The following PRICKLE1 variants were observed in gnomAD, a reference collection of about 807,000 sequenced individuals.
PRICKLE1 encodes prickle-like protein 1.
A neutral mutation model predicts 70.2 loss-of-function variants in PRICKLE1; 14 were observed. That is an observed-to-expected ratio of 0.20 (90% CI 0.13 to 0.31). The LOEUF is 0.31. Among genes scored for constraint, PRICKLE1 ranks in the 10% least tolerant of loss-of-function variants. The pLI is 1.00. For synonymous variants in PRICKLE1, 357 were observed against 379.9 expected (o/e 0.94, Z 0.70); for missense variants, 821 against 1,026.2 (o/e 0.80, Z 2.73).
intron 1 of PRICKLE1, among the ~76,000 whole-genome samples, chr12:42,533,976 T>C (rs1939972078): frequency 1.3e-5 from 2 of 152,192 alleles, no homozygotes; most frequent in Admixed American, 6.5e-5. Context: ...TTCCTCATTG[T>C]ATCCTCAAAA....
chr12:42,472,237 A>G, intron 2 of PRICKLE1, 148 bp downstream of exon 2: 1 of 918,834 alleles, frequency 1.1e-6, no homozygotes, highest in East Asian at 2.7e-5. Context: ...CAAAAGTAAA[A>G]CTTCAAAGCC....
At chr12:42,493,476 T>C (rs1939140213) in intron 1 of PRICKLE1, among the ~76,000 whole-genome samples, 1 of 152,216 alleles carries the variant, frequency 6.6e-6, no homozygotes, top group Non-Finnish European at 1.5e-5. Context: ...TTCAAACGAA[T>C]TGACTAACTT....
chr12:42,503,160 T>A (rs1939345078), intron 1 of PRICKLE1, among the ~76,000 whole-genome samples: 1 of 152,222 alleles, frequency 6.6e-6, no homozygotes, highest in East Asian at 1.9e-4. Context: ...AAATTAACTT[T>A]TAAGCATTTC....
intron 1 of PRICKLE1, among the ~76,000 whole-genome samples, chr12:42,578,107 C>A (rs1420147533): frequency 6.6e-6 from 1 of 152,110 alleles, no homozygotes; most frequent in Non-Finnish European, 1.5e-5. Context: ...AATAAAGAAC[C>A]CCCAAGTTGA....
At chr12:42,576,542 G>A (rs1302001920) in intron 1 of PRICKLE1, among the ~76,000 whole-genome samples, 1 of 152,228 alleles carries the variant, frequency 6.6e-6, no homozygotes, top group Non-Finnish European at 1.5e-5. Context: ...ATTACCATCT[G>A]ATAGCGTTTG....
intron 1 of PRICKLE1, among the ~76,000 whole-genome samples, chr12:42,564,859 C>T (rs12368308): frequency 2.6e-5 from 4 of 151,998 alleles, no homozygotes; most frequent in African/African-American, 7.3e-5. Flanking sequence ...TCAACACCAC[C>T]GGTAATAAAG....
chr12:42,549,119 C>CAAAAAA (rs34355848), intron 1 of PRICKLE1, among the ~76,000 whole-genome samples: 1 of 53,970 alleles, frequency 1.9e-5, no homozygotes, highest in Non-Finnish European at 3.1e-5. Flanking sequence ...ACCCTGTCTC[C>CAAAAAA]AAAAAAAAAA....
intron 2 of PRICKLE1, among the ~76,000 whole-genome samples, chr12:42,471,617 TC>T (rs1938325999): frequency 6.6e-6 from 1 of 152,150 alleles, no homozygotes; most frequent in Admixed American, 6.5e-5. Flanking sequence ...GATACCCTAT[TC>T]TCATAAAACG....
intron 1 of PRICKLE1, among the ~76,000 whole-genome samples, chr12:42,514,937 C>CTATG (rs1555235199): frequency 1.7e-4 from 23 of 139,096 alleles, no homozygotes; most frequent in Admixed American, 4.4e-4. Flanking sequence ...ATCTATCTAT[C>CTATG]TATATTTTTT....
chr12:42,558,087 C>G (rs551547110), intron 1 of PRICKLE1, among the ~76,000 whole-genome samples: 29 of 152,234 alleles, frequency 1.9e-4, no homozygotes, highest in African/African-American at 6.5e-4. Flanking sequence ...AAAGGCATGT[C>G]TACACAAAAG....
At chr12:42,470,571 A>G (rs1278730412) in intron 2 of PRICKLE1, among the ~76,000 whole-genome samples, 1 of 152,190 alleles carries the variant, frequency 6.6e-6, no homozygotes, top group Non-Finnish European at 1.5e-5. Context: ...TGTAGTGACA[A>G]TTAGGGACAT....
At chr12:42,571,639 G>A (rs955231412) in intron 1 of PRICKLE1, among the ~76,000 whole-genome samples, 1 of 152,244 alleles carries the variant, frequency 6.6e-6, no homozygotes, top group African/African-American at 2.4e-5. Context: ...TTTTTATGAT[G>A]CAGGAGTATG....
chr12:42,498,716 C>T (rs1939253587), intron 1 of PRICKLE1, among the ~76,000 whole-genome samples: 1 of 152,202 alleles, frequency 6.6e-6, no homozygotes, highest in Admixed American at 6.5e-5. Flanking sequence ...TTTCCAGTCC[C>T]TACTGATCCT....
rs116885561 is a variant in PRICKLE1 at position 42,515,485 on chromosome 12, G to A, written c.-48-42921C>T. On this transcript the variant is annotated intron_variant, in intron 1 of 7. Transcript: ENST00000345127. ...ACTCCTGACCTCGGGTGATCCACCCGTCTCCCAAAGTGCTGGGGATTACAG... is the reference window on the plus strand; with the variant it reads ...ACTCCTGACCTCGGGTGATCCACCCATCTCCCAAAGTGCTGGGGATTACAG... Among the ~76,000 whole-genome samples, 468 of 152,180 alleles carry A rather than the reference G, an allele frequency of 3.1e-3. 5 individuals carry two copies. Among genetic ancestry groups the A allele is most frequent in the East Asian group, 0.03 (153 of 5,170 alleles).
intron 1 of PRICKLE1, chr12:42,524,644 T>C (rs1456103257): frequency 1.3e-5 from 2 of 152,182 alleles, no homozygotes; most frequent in Non-Finnish European, 2.9e-5. Flanking sequence ...ACTCCTGACC[T>C]CATGAACCAC....
At chr12:42,494,363 T>C (rs1209924158) in intron 1 of PRICKLE1, among the ~76,000 whole-genome samples, 1 of 152,252 alleles carries the variant, frequency 6.6e-6, no homozygotes, top group Non-Finnish European at 1.5e-5. Context: ...CTTTCAAAAT[T>C]GGAGTCAATC....
intron 7 of PRICKLE1, among the ~76,000 whole-genome samples, chr12:42,462,045 G>C (rs1217697210): frequency 6.6e-6 from 1 of 152,152 alleles, no homozygotes; most frequent in East Asian, 1.9e-4. Flanking sequence ...TGATCTGCCC[G>C]CCTCGGTCTC....
In PRICKLE1 at chr12:42,460,190, G is replaced by C; in HGVS notation, c.2115C>G (p.Thr705=). The change falls in exon 8 of 8, where the codon ACC becomes ACG. Residue 705 remains threonine, a synonymous_variant. Coordinates refer to ENST00000345127, the MANE Select transcript of PRICKLE1 (RefSeq NM_153026.3). ...GTATAAATTTCTCATAGTTATCGGG[G>C]GTGTACAGCCGCAGTCTGTCCTTGG... ...YSPKDRLRLY[T]PDNYEKFIQN... is the part of the protein sequence containing the mutation. The C allele has an allele frequency of 6.2e-7, 1 of 1,614,036 alleles. No individual in the cohort carries two copies. Among genetic ancestry groups the C allele is most frequent in the Non-Finnish European group, 8.5e-7 (1 of 1,180,024 alleles).
intron 1 of PRICKLE1, among the ~76,000 whole-genome samples, chr12:42,568,309 G>A (rs1249160915): frequency 6.6e-6 from 1 of 152,146 alleles, no homozygotes; most frequent in African/African-American, 2.4e-5. Context: ...CAAGTAGCTG[G>A]GACCACAGGT....
Sources: allele counts gnomAD v4.1 joint callset (sites outside exome capture counted in the v4.1 genomes callset), GRCh38; gene constraint gnomAD v4.1.1; transcripts MANE v1.5; gene names NCBI Gene and HGNC (gene_info 2026-07-23, HGNC 2026-07-21).